RIOX1: variants seen among roughly 807,000 people sequenced by gnomAD.
The protein encoded by RIOX1 is 60S ribosomal protein L8 histidine hydroxylase.
RIOX1 carries 33 observed loss-of-function variants against 44.6 expected under a neutral mutation model. That is an observed-to-expected ratio of 0.74 (90% CI 0.56 to 0.99). The LOEUF (loss-of-function observed/expected upper bound fraction) is 0.99. Ranked by LOEUF, RIOX1 falls within the 50% of genes least tolerant of loss-of-function variation. RIOX1 has a pLI of 0.00. For missense variants in RIOX1, 821 were observed against 871.7 expected (o/e 0.94, Z 0.73); for synonymous variants, 387 against 395.8 (o/e 0.98, Z 0.26).
chr14:73,491,570 C>A lies in RIOX1; in HGVS notation c.553C>A (p.Leu185Met), dbSNP rs1595082548. The change falls in exon 1 of 1, where the codon CTG becomes ATG. Residue 185 changes from leucine (L) to methionine (M), a missense_variant. Leu to Met is a conservative substitution (Grantham distance 15). Around this residue, in one of 2 missense-constraint regions of RIOX1, gnomAD observed 554 missense variants for 531.2 expected, o/e 1.04. Transcript: ENST00000304061. ...TGGEPAWDSP[L>M]RRVLAELNRI... ...TGGGGAGCCGGCCTGGGACTCCCCG[C>A]TGCGGCGCGTCTTGGCCGAGCTGAA... The A allele has an allele frequency of 6.5e-7, 1 of 1,541,744 alleles. No individual in the cohort carries two copies. Among genetic ancestry groups the A allele is most frequent in the Non-Finnish European group, 8.7e-7 (1 of 1,144,996 alleles).
chr14:73,491,918 C>G lies in RIOX1; in HGVS notation c.901C>G (p.Pro301Ala). 6.2e-7 allele frequency: 1 copy of G among 1,613,330 alleles called. No homozygotes were observed. Among genetic ancestry groups the G allele is most frequent in the South Asian group, 1.1e-5 (1 of 91,052 alleles). Reference sequence around the variant, plus strand: ...CGGCTGCTCCCTGCGTCTCCTCTGTCCGCAGGCTTTCTCTACTACTGTGTG... The same window carrying G: ...CGGCTGCTCCCTGCGTCTCCTCTGTGCGCAGGCTTTCTCTACTACTGTGTG... Reference protein sequence around the residue: ...QAGCSLRLLCPQAFSTTVWQF... With the variant: ...QAGCSLRLLCAQAFSTTVWQF... Residue 301 changes from proline to alanine, a missense_variant, in exon 1 of 1, where the codon CCG (proline) becomes GCG (alanine). Pro to Ala is a conservative substitution (Grantham distance 27). Transcript: ENST00000304061.
rs1425072939 is a variant in RIOX1, at chr14:73,491,444, G to T, written c.427G>T (p.Val143Leu). The T allele has an allele frequency of 2.2e-6, 3 of 1,384,680 alleles. No homozygotes were observed. Among genetic ancestry groups the T allele is most frequent in the Non-Finnish European group, 2.8e-6 (3 of 1,080,464 alleles). The allele number at this position is 1,384,680 out of a possible 1,614,324, so 85.8% of individuals were successfully genotyped here. ...GGTGCCCGCCGCGCCGGTCCGGGTGGTGGAGACCTCGGCCCTGCTGTGCAC... is the reference window on the plus strand; with the variant it reads ...GGTGCCCGCCGCGCCGGTCCGGGTGTTGGAGACCTCGGCCCTGCTGTGCAC... Reference protein sequence around the residue: ...VEVPAAPVRVVETSALLCTAQ... With the variant: ...VEVPAAPVRVLETSALLCTAQ... The change falls in exon 1 of 1, where the codon GTG (valine) becomes TTG (leucine). Residue 143 changes from valine (V) to leucine (L), a missense_variant. Val to Leu is a conservative substitution (Grantham distance 32). This residue lies in a region of RIOX1 where 554 missense variants were observed against 531.2 expected (regional missense o/e 1.04). Transcript: ENST00000304061.
chr14:73,491,126 A>T lies in RIOX1; in HGVS notation c.109A>T (p.Arg37Trp). 2.5e-6 allele frequency: 4 copies of T among 1,607,732 alleles called. No homozygotes were observed. The highest frequency in any genetic ancestry group is 3.4e-6 in the Non-Finnish European group (4 of 1,177,196). ...GSVLALPLRS[R>W]KIRKQLRSVV... is the part of the protein sequence containing the mutation. Reference sequence around the variant, plus strand: ...GGTCCTGGCCCTGCCCTTGAGGTCCAGGAAGATACGAAAGCAGCTGCGAAG... The same window carrying T: ...GGTCCTGGCCCTGCCCTTGAGGTCCTGGAAGATACGAAAGCAGCTGCGAAG... The change falls in exon 1 of 1, where the codon AGG (arginine) becomes TGG (tryptophan). Residue 37 changes from arginine to tryptophan, a missense_variant. Arg to Trp is a moderately radical substitution (Grantham distance 101). Transcript: ENST00000304061.
In RIOX1 at chr14:73,491,937, C is replaced by T. The variant is rs200766349; in HGVS notation, c.920C>T (p.Thr307Ile). The T allele has an allele frequency of 4.3e-6, 7 of 1,613,806 alleles. No individual in the cohort carries two copies. The highest frequency in any genetic ancestry group is 3.3e-5 in the Admixed American group (2 of 60,004). Residue 307 changes from threonine (T) to isoleucine (I), a missense_variant, in exon 1 of 1, where the codon ACT (threonine) becomes ATT (isoleucine). Around this residue, in one of 2 missense-constraint regions of RIOX1, gnomAD observed 554 missense variants for 531.2 expected, o/e 1.04. Coordinates refer to ENST00000304061, the MANE Select transcript of RIOX1 (RefSeq NM_024644.5). ...CTCTGTCCGCAGGCTTTCTCTACTACTGTGTGGCAGTTTTTGGCTGTGCTT... is the reference window on the plus strand; with the variant it reads ...CTCTGTCCGCAGGCTTTCTCTACTATTGTGTGGCAGTTTTTGGCTGTGCTT... ...RLLCPQAFST[T>I]VWQFLAVLQE... is the part of the protein sequence containing the mutation.
At position 73,492,603 on chromosome 14, in the gene RIOX1, G is replaced by A. The variant is rs764991790; in HGVS notation, c.1586G>A (p.Arg529His). Residue 529 changes from arginine (R) to histidine (H), a missense_variant, in exon 1 of 1, where the codon CGC (arginine) becomes CAC (histidine). By Grantham distance (29) the Arg-to-His change is conservative. Transcript: ENST00000304061. The surrounding 1 kb of genome is among the most constrained non-coding windows in gnomAD (Gnocchi z 4.9). ...CTAAGTGTTTACGGGCTTCCAATTC[G>A]CTGGGAGGCTGGAGAACCTGTAAAC... ...RALSVYGLPI[R>H]WEAGEPVNVG... 6.2e-7 allele frequency: 1 copy of A among 1,613,812 alleles called. No homozygotes were observed. The highest frequency in any genetic ancestry group is 1.3e-5 in the African/African-American group (1 of 74,888).
Position 73,491,003 on chromosome 14 carries a change from T to C in RIOX1, c.-15T>C. ...CCCCGGCCGGCCGGGCGGGGAAGAC[T>C]GGTGTGGTCTGGCCATGGATGGGCT... is the stretch of plus-strand genomic sequence containing the variant. On this transcript the variant is annotated 5_prime_UTR_variant, in exon 1 of 1. Coordinates refer to ENST00000304061, the MANE Select transcript of RIOX1 (RefSeq NM_024644.5). 1 of 1,388,502 alleles carries C rather than the reference T, an allele frequency of 7.2e-7. No homozygotes were observed. The allele number at this position is 1,388,502 out of a possible 1,614,324, so 86.0% of individuals were successfully genotyped here. A position where few individuals can be genotyped will look rare whatever the true frequency, so the allele number is the denominator to read the frequency against.
rs539549129 is a variant in RIOX1, at chr14:73,493,293, C to T, written c.*350C>T. ...GATTTTTTTTGGAATTTGGATCTTT[C>T]ATCTGAGTTCTTTTTCATGGGCGGG... On this transcript the variant is annotated 3_prime_UTR_variant, in exon 1 of 1. Transcript: ENST00000304061. 1.0e-5 allele frequency: 6 copies of T among 589,524 alleles called. No individual in the cohort carries two copies. The highest frequency in any genetic ancestry group is 1.5e-5 in the Non-Finnish European group (5 of 328,042). The allele number at this position is 589,524 out of a possible 1,614,324, so 36.5% of individuals were successfully genotyped here.
chr14:73,491,170 A>G lies in RIOX1; in HGVS notation c.153A>G (p.Ala51=), dbSNP rs1885699049. The change falls in exon 1 of 1, where the codon GCA becomes GCG. Residue 51 remains alanine (A), a synonymous_variant. Transcript: ENST00000304061. ...KQLRSVVSRM[A]ALRTQTLPSE... ...TGCGAAGTGTTGTATCCCGCATGGCAGCGCTGAGGACGCAGACGCTGCCTA... is the reference window on the plus strand; with the variant it reads ...TGCGAAGTGTTGTATCCCGCATGGCGGCGCTGAGGACGCAGACGCTGCCTA... 1.2e-6 allele frequency: 2 copies of G among 1,602,118 alleles called. No homozygotes were observed. The highest frequency in any genetic ancestry group is 1.7e-6 in the Non-Finnish European group (2 of 1,174,538).
chr14:73,492,589 C>T lies in RIOX1; in HGVS notation c.1572C>T (p.Tyr524=), dbSNP rs200159534. 5.9e-5 allele frequency: 95 copies of T among 1,613,744 alleles called. No homozygotes were observed. Among genetic ancestry groups the T allele is most frequent in the Non-Finnish European group, 7.9e-5 (93 of 1,179,856 alleles). ...LTDRERALSV[Y]GLPIRWEAGE... Reference sequence around the variant, plus strand: ...ATAGGGAGAGGGCACTAAGTGTTTACGGGCTTCCAATTCGCTGGGAGGCTG... The same window carrying T: ...ATAGGGAGAGGGCACTAAGTGTTTATGGGCTTCCAATTCGCTGGGAGGCTG... Residue 524 remains tyrosine, a synonymous_variant, in exon 1 of 1, where the codon TAC becomes TAT. Coordinates refer to ENST00000304061, the MANE Select transcript of RIOX1 (RefSeq NM_024644.5). This position sits in a 1 kb window ranked among gnomAD's most constrained non-coding sequence, Gnocchi z 4.9.
chr14:73,493,273 T>G lies in RIOX1; in HGVS notation c.*330T>G, dbSNP rs1885907980. Reference sequence around the variant, plus strand: ...TCTGCTTGAGACAGATATTAGATTTTTTTTGGAATTTGGATCTTTCATCTG... The same window carrying G: ...TCTGCTTGAGACAGATATTAGATTTGTTTTGGAATTTGGATCTTTCATCTG... On this transcript the variant is annotated 3_prime_UTR_variant, in exon 1 of 1. Coordinates refer to ENST00000304061, the MANE Select transcript of RIOX1 (RefSeq NM_024644.5). 3 of 632,258 alleles carry G rather than the reference T, an allele frequency of 4.7e-6. No homozygotes were observed. Among genetic ancestry groups the G allele is most frequent in the Admixed American group, 3.3e-5 (1 of 30,360 alleles). 39.2% of individuals were successfully genotyped at this position (632,258 alleles called of 1,614,324 possible). A position where few individuals can be genotyped will look rare whatever the true frequency, so the allele number is the denominator to read the frequency against.
Position 73,491,832 on chromosome 14 carries a change from G to A in RIOX1, c.815G>A (p.Arg272His), listed in dbSNP as rs1218164185. 1 of 1,607,764 alleles carries A rather than the reference G, an allele frequency of 6.2e-7. No homozygotes were observed. The highest frequency in any genetic ancestry group is 8.5e-7 in the Non-Finnish European group (1 of 1,177,632). ...LDAARYINGR[R>H]ETLNPPGRAL... ...GCCGCTCGCTACATCAACGGACGAC[G>A]CGAGACCCTGAACCCACCCGGCCGC... Residue 272 changes from arginine (R) to histidine (H), a missense_variant, in exon 1 of 1, where the codon CGC becomes CAC. Around this residue, in one of 2 missense-constraint regions of RIOX1, gnomAD observed 554 missense variants for 531.2 expected, o/e 1.04. Transcript: ENST00000304061.
rs1475420225 is a variant in RIOX1, at chr14:73,493,249, C to T, written c.*306C>T. On this transcript the variant is annotated 3_prime_UTR_variant, in exon 1 of 1. Transcript: ENST00000304061. The stretch of plus-strand genomic sequence containing the variant: ...ACTGGGTAACACTGACCATGTCGTT[C>T]TGCTTGAGACAGATATTAGATTTTT... The T allele has an allele frequency of 2.7e-6, 2 of 730,638 alleles. No individual in the cohort carries two copies. Among genetic ancestry groups the T allele is most frequent in the Non-Finnish European group, 2.3e-6 (1 of 430,524 alleles). The allele number at this position is 730,638 out of a possible 1,614,324, so 45.3% of individuals were successfully genotyped here.
rs1334234796 is a variant in RIOX1, at chr14:73,491,298, G to T, written c.281G>T (p.Arg94Leu). The T allele has an allele frequency of 3.2e-6, 5 of 1,541,442 alleles. 1 individual carries two copies. Among genetic ancestry groups the T allele is most frequent in the East Asian group, 5.0e-5 (2 of 40,068 alleles). The change falls in exon 1 of 1, where the codon CGA (arginine) becomes CTA (leucine). Residue 94 changes from arginine to leucine, a missense_variant. Physicochemically the swap from Arg to Leu is moderately radical, Grantham distance 102. This residue lies in a region of RIOX1 where 554 missense variants were observed against 531.2 expected (regional missense o/e 1.04). Transcript: ENST00000304061. ...GCGGCCGTCCCGGACGCAGCCCGGC[G>T]AGAGCCATACGGCCACCTGGGGCCC... ...AVAAVPDAAR[R>L]EPYGHLGPAE...
chr14:73,491,419 G>C lies in RIOX1; in HGVS notation c.402G>C (p.Glu134Asp). 1 of 1,348,730 alleles carries C rather than the reference G, an allele frequency of 7.4e-7. No homozygotes were observed. The highest frequency in any genetic ancestry group is 9.4e-7 in the Non-Finnish European group (1 of 1,058,906). The allele number at this position is 1,348,730 out of a possible 1,614,324, so 83.5% of individuals were successfully genotyped here. A position where few individuals can be genotyped will look rare whatever the true frequency, so the allele number is the denominator to read the frequency against. ...CCGCGCCGCCCGCGCGCCTGGTGGA[G>C]GTGCCCGCCGCGCCGGTCCGGGTGG... ...PASAPPARLV[E>D]VPAAPVRVVE... is the part of the protein sequence containing the mutation. The change falls in exon 1 of 1, where the codon GAG (glutamate) becomes GAC (aspartate). Residue 134 changes from glutamate to aspartate, a missense_variant. Physicochemically the swap from Glu to Asp is conservative, Grantham distance 45. This residue lies in a region of RIOX1 where 554 missense variants were observed against 531.2 expected (regional missense o/e 1.04). Coordinates refer to ENST00000304061, the MANE Select transcript of RIOX1 (RefSeq NM_024644.5).
chr14:73,490,966 C>A lies in RIOX1; in HGVS notation c.-52C>A. 1.5e-6 allele frequency: 2 copies of A among 1,309,242 alleles called. No homozygotes were observed. Among genetic ancestry groups the A allele is most frequent in the Non-Finnish European group, 2.0e-6 (2 of 1,023,346 alleles). 81.1% of individuals were successfully genotyped at this position (1,309,242 alleles called of 1,614,324 possible). ...CCGCAGCCGCTGCATTCAGGAACCG[C>A]TTTAGCTTCGCCCCCGGCCGGCCGG... On this transcript the variant is annotated 5_prime_UTR_variant, in exon 1 of 1. Coordinates refer to ENST00000304061, the MANE Select transcript of RIOX1 (RefSeq NM_024644.5).
At position 73,492,782 on chromosome 14, in the gene RIOX1, C is replaced by T. The variant is rs1231140162; in HGVS notation, c.1765C>T (p.Pro589Ser). ...AGAACCCAAGTGCTTGGAAATATACCCCCAGCAAGCTGATGCCATGGAACT... is the reference window on the plus strand; with the variant it reads ...AGAACCCAAGTGCTTGGAAATATACTCCCAGCAAGCTGATGCCATGGAACT... ...LEEPKCLEIY[P>S]QQADAMELLL... Residue 589 changes from proline (P) to serine (S), a missense_variant, in exon 1 of 1, where the codon CCC becomes TCC. Physicochemically the swap from Pro to Ser is moderately conservative, Grantham distance 74 (BLOSUM62 -1). This residue lies in a region of RIOX1 where 267 missense variants were observed against 340.5 expected (regional missense o/e 0.78). Coordinates refer to ENST00000304061, the MANE Select transcript of RIOX1 (RefSeq NM_024644.5). The surrounding 1 kb of genome is among the most constrained non-coding windows in gnomAD (Gnocchi z 4.9). 5 of 1,613,758 alleles carry T rather than the reference C, an allele frequency of 3.1e-6. No homozygotes were observed. The South Asian group carries it at 4.4e-5, about 14-fold the overall frequency.
chr14:73,492,670 TC>T lies in RIOX1; in HGVS notation c.1654del (p.Gln552ArgfsTer4). 6.2e-7 allele frequency: 1 copy of T among 1,613,966 alleles called. No homozygotes were observed. The highest frequency in any genetic ancestry group is 8.5e-7 in the Non-Finnish European group (1 of 1,179,884). On this transcript the variant is annotated frameshift_variant, in exon 1 of 1. Coordinates refer to ENST00000304061, the MANE Select transcript of RIOX1 (RefSeq NM_024644.5). LOFTEE classifies it high-confidence loss of function. This position sits in a 1 kb window ranked among gnomAD's most constrained non-coding sequence, Gnocchi z 4.9. ...CAACAGAAACAGAAGTCCATATGCT[TC>T]AGGATGGGATAGCTCGGCTGGTGGG... The part of the protein sequence containing the change: ...LTTETEVHML[Q>X]DGIARLVGEG...
At position 73,492,391 on chromosome 14, in the gene RIOX1, C is replaced by T; in HGVS notation, c.1374C>T (p.Phe458=). The change falls in exon 1 of 1, where the codon TTC becomes TTT. Residue 458 remains phenylalanine (F), a synonymous_variant. Transcript: ENST00000304061. The surrounding 1 kb of genome is among the most constrained non-coding windows in gnomAD (Gnocchi z 4.9). ...TTCGGAGGGGTCTGCCCCGAGACTT[C>T]ATGGATTACATGGGGGCCCAGCATT... The part of the protein sequence containing the change: ...VEFRRGLPRD[F]MDYMGAQHSD... The T allele has an allele frequency of 6.2e-7, 1 of 1,613,858 alleles. No individual in the cohort carries two copies. The highest frequency in any genetic ancestry group is 8.5e-7 in the Non-Finnish European group (1 of 1,179,786).
At position 73,492,896 on chromosome 14, in the gene RIOX1, TATG is replaced by T; in HGVS notation, c.1882_1884del (p.Asp628del). On this transcript the variant is annotated inframe_deletion, in exon 1 of 1. Transcript: ENST00000304061. The surrounding 1 kb of genome is among the most constrained non-coding windows in gnomAD (Gnocchi z 4.9). The stretch of plus-strand genomic sequence containing the variant: ...CCAGCTGTCCTTGGCAACCACGTTG[TATG>T]ATAAGGGGCTGCTGCTCACTAAGAT... 6.2e-7 allele frequency: 1 copy of T among 1,613,858 alleles called. No individual in the cohort carries two copies. The highest frequency in any genetic ancestry group is 8.5e-7 in the Non-Finnish European group (1 of 1,179,864).
Sources: gnomAD v4.1 joint callset for allele counts on GRCh38, gnomAD v4.1.1 for gene constraint, gnomAD v4.1.1 regional missense constraint, Gnocchi (gnomAD v3.1) non-coding constraint, MANE v1.5 for transcripts, NCBI Gene and HGNC (gene_info 2026-07-23, HGNC 2026-07-21) for gene names.